Variants in NCOA3 observed in about 807,000 individuals in gnomAD.
The protein encoded by NCOA3 is CBP-interacting protein.
Under a neutral mutation model 158.8 loss-of-function variants are expected in NCOA3, and 51 were observed. That is an observed-to-expected ratio of 0.32 (90% confidence interval 0.26 to 0.41). The LOEUF is 0.41. Among genes scored for constraint, NCOA3 ranks in the 10% least tolerant of loss-of-function variants. NCOA3 has a pLI of 1.00. For missense variants in NCOA3, 1,510 were observed against 1,746.6 expected, an observed-to-expected ratio of 0.86 and a Z score of 2.41; for synonymous variants, 537 against 592.4, an observed-to-expected ratio of 0.91 and a Z score of 1.36.
intron 2 of NCOA3, among the ~76,000 whole-genome samples, chr20:47,619,193 A>G (rs1320976795): frequency 6.6e-6 from 1 of 152,246 alleles, no homozygotes; most frequent in African/African-American, 2.4e-5. Context: ...AACAAAGGAA[A>G]TAATATTGAG....
chr20:47,597,993 C>T (rs999016841), intron 2 of NCOA3, among the ~76,000 whole-genome samples: 3 of 151,606 alleles, frequency 2.0e-5, no homozygotes, highest in Non-Finnish European at 4.4e-5. Context: ...CGCCTGTAAT[C>T]CCAGCACTTT....
At chr20:47,609,883 A>AT (rs2086016874) in intron 2 of NCOA3, among the ~76,000 whole-genome samples, 1 of 152,066 alleles carries the variant, frequency 6.6e-6, no homozygotes, top group South Asian at 2.1e-4. Context: ...AGTATTTTAT[A>AT]TTTTTGCTTA....
chr20:47,513,842 A>G (rs988115171), intron 1 of NCOA3, among the ~76,000 whole-genome samples: 44 of 152,054 alleles, frequency 2.9e-4, no homozygotes, highest in Admixed American at 2.8e-3. Flanking sequence ...AGTGCCAGTT[A>G]CTTAGGTGTG....
intron 1 of NCOA3, among the ~76,000 whole-genome samples, chr20:47,549,833 T>A (rs2084901047): frequency 6.6e-6 from 1 of 152,132 alleles, no homozygotes; most frequent in Non-Finnish European, 1.5e-5. Flanking sequence ...CTTAAATAGC[T>A]GGGACTACAG....
At position 47,651,128 on chromosome 20, in the gene NCOA3, A is replaced by AG. The variant is rs1568758770; in HGVS notation, c.3798_3799insG (p.Gln1267AlafsTer19). On this transcript the variant is annotated frameshift_variant, in exon 20 of 23. Transcript: ENST00000371998. LOFTEE classifies it high-confidence loss of function. Reference sequence around the variant, plus strand: ...AGCAGCAGCAGCAGCAGCAACAGCAACAGCAACAGCAACAGCAGCAACAGC... The same window carrying AG: ...AGCAGCAGCAGCAGCAGCAACAGCAAGCAGCAACAGCAACAGCAGCAACAGC... The AG allele has an allele frequency of 5.0e-6, 8 of 1,604,074 alleles. No homozygotes were observed. The East Asian group carries it at 1.8e-4, about 36-fold the overall frequency.
At chr20:47,523,546 C>T (rs2084379532) in intron 1 of NCOA3, among the ~76,000 whole-genome samples, 1 of 152,128 alleles carries the variant, frequency 6.6e-6, no homozygotes, top group East Asian at 1.9e-4. Flanking sequence ...TTAACCAATT[C>T]CATAAAGAAG....
At chr20:47,503,934 C>G (rs929219029) in intron 1 of NCOA3, among the ~76,000 whole-genome samples, 7 of 152,100 alleles carry the variant, frequency 4.6e-5, no homozygotes, top group Non-Finnish European at 1.0e-4. Context: ...ATTGTCCAAT[C>G]AGCATTTGAA....
chr20:47,652,695 A>G, intron 21 of NCOA3, 115 bp downstream of exon 21: 2 of 1,086,444 alleles, frequency 1.8e-6, no homozygotes, highest in Non-Finnish European at 1.3e-6. Context: ...CTGGGTTCAT[A>G]TTAGAAGGTG....
At chr20:47,604,908 T>TC (rs1212179800) in intron 2 of NCOA3, among the ~76,000 whole-genome samples, 1 of 152,176 alleles carries the variant, frequency 6.6e-6, no homozygotes, top group East Asian at 1.9e-4. Context: ...GCTCTGTCAC[T>TC]CAGGCTGGAG....
At chr20:47,590,463 A>G (rs1270266373) in intron 2 of NCOA3, among the ~76,000 whole-genome samples, 1 of 152,106 alleles carries the variant, frequency 6.6e-6, no homozygotes, top group African/African-American at 2.4e-5. Context: ...GACTACAGGC[A>G]TGCGCCACCG....
intron 2 of NCOA3, among the ~76,000 whole-genome samples, chr20:47,608,221 G>A (rs976825916): frequency 3.3e-5 from 5 of 152,198 alleles, no homozygotes; most frequent in African/African-American, 1.2e-4. Context: ...TGGGGCAGGA[G>A]AATCGCTCGA....
chr20:47,544,349 A>C (rs1253062736), intron 1 of NCOA3, among the ~76,000 whole-genome samples: 4 of 122,488 alleles, frequency 3.3e-5, no homozygotes, highest in Non-Finnish European at 6.4e-5. Flanking sequence ...CCTTAAACGC[A>C]GGGTCTCACT....
intron 7 of NCOA3, 54 bp downstream of exon 7, chr20:47,627,803 G>A (rs1008132095): frequency 1.5e-5 from 24 of 1,591,106 alleles, no homozygotes; most frequent in African/African-American, 2.7e-5. Context: ...GGCCATACTT[G>A]GAGTTTTGAA....
chr20:47,536,343 T>G (rs2425950), intron 1 of NCOA3, among the ~76,000 whole-genome samples: 23,499 of 152,038 alleles, frequency 0.15, 2,848 homozygotes, highest in African/African-American at 0.33. Flanking sequence ...TGATCCTCCT[T>G]CCTTGGCCTC....
intron 1 of NCOA3, among the ~76,000 whole-genome samples, chr20:47,510,696 C>T (rs997026656): frequency 2.6e-5 from 4 of 151,974 alleles, no homozygotes; most frequent in Admixed American, 6.6e-5. Context: ...TGGGCTCAAG[C>T]GGTCCTCCCA....
At chr20:47,521,107 A>G (rs571752265) in intron 1 of NCOA3, among the ~76,000 whole-genome samples, 109 of 152,170 alleles carry the variant, frequency 7.2e-4, no homozygotes, top group Non-Finnish European at 1.4e-3. Context: ...CAGTATGTGA[A>G]GATCTTTTAC....
At chr20:47,564,153 A>T (rs1207457610) in intron 1 of NCOA3, among the ~76,000 whole-genome samples, 1 of 123,376 alleles carries the variant, frequency 8.1e-6, no homozygotes, top group African/African-American at 2.8e-5. Context: ...TGTCTCAAAA[A>T]ACGAAAAAAA....
chr20:47,527,791 C>T (rs1221934044), intron 1 of NCOA3, among the ~76,000 whole-genome samples: 1 of 152,114 alleles, frequency 6.6e-6, no homozygotes, highest in Non-Finnish European at 1.5e-5. Flanking sequence ...TTAATATTCT[C>T]CTATGTTTTA....
chr20:47,516,297 CTG>C (rs906723508), intron 1 of NCOA3, among the ~76,000 whole-genome samples: 1 of 152,108 alleles, frequency 6.6e-6, no homozygotes, highest in Non-Finnish European at 1.5e-5. Context: ...TGGCAAATCT[CTG>C]TATCTTCTGT....
Sources: allele counts gnomAD v4.1 joint callset (sites outside exome capture counted in the v4.1 genomes callset), GRCh38; gene constraint gnomAD v4.1.1; transcripts MANE v1.5; gene names NCBI Gene and HGNC (gene_info 2026-07-23, HGNC 2026-07-21).